The following ERV3-1 variants were observed in gnomAD, a reference collection of about 807,000 sequenced individuals.
The protein encoded by ERV3-1 is endogenous retrovirus group 3 member 1, envelope, also known as endogenous retrovirus group 3 member 1 Env polyprotein.
A neutral mutation model predicts 24.6 loss-of-function variants in ERV3-1; 36 were observed. The ratio of observed to expected loss-of-function variants is 1.47; its 90% confidence interval spans 1.12 to 1.94. The LOEUF is 1.94. Among genes scored for constraint, ERV3-1 ranks in the 30% most tolerant of loss-of-function variants. ERV3-1 has a pLI of 0.00. For missense variants in ERV3-1, 578 were observed against 330.9 expected, an observed-to-expected ratio of 1.75 and a Z score of -5.79; for synonymous variants, 211 against 122.6, an observed-to-expected ratio of 1.72 and a Z score of -4.76.
Position 64,992,588 on chromosome 7 carries a change from G to A in ERV3-1, c.439C>T (p.His147Tyr). ...FSSMEYYSSCHKNRYAHPACS... is the reference protein window; with the variant it reads ...FSSMEYYSSCYKNRYAHPACS... ...GCAGGGTGTGCATACCTATTTTTAT[G>A]GCAGCTACTATAGTACTCCATGGAA... Residue 147 changes from histidine to tyrosine, a missense_variant, in exon 2 of 2, where the codon CAT (histidine) becomes TAT (tyrosine). Transcript: ENST00000394323. The A allele has an allele frequency of 1.3e-6, 1 of 766,336 alleles. No individual in the cohort carries two copies. The highest frequency in any genetic ancestry group is 2.4e-6 in the Non-Finnish European group (1 of 417,910). The allele number at this position is 766,336 out of a possible 1,614,324, so 47.5% of individuals were successfully genotyped here.
Position 64,991,208 on chromosome 7 carries a change from G to A in ERV3-1, c.*4C>T, listed in dbSNP as rs751582022. 26 of 743,362 alleles carry A rather than the reference G, an allele frequency of 3.5e-5. No individual in the cohort carries two copies. The highest frequency in any genetic ancestry group is 8.5e-5 in the African/African-American group (5 of 58,684). 46.0% of individuals were successfully genotyped at this position (743,362 alleles called of 1,614,324 possible). ...AACCAACCTCTGAAAAGGGAATCTG[G>A]AGACTATCCTTTCCAAGTCTGAACT... On this transcript the variant is annotated 3_prime_UTR_variant, in exon 2 of 2. Transcript: ENST00000394323.
rs752364993 is a variant in ERV3-1 at position 64,991,228 on chromosome 7, T to C, written c.1799A>G (p.Gln600Arg). 3.5e-5 allele frequency: 26 copies of C among 753,470 alleles called. No individual in the cohort carries two copies. In the East Asian group the frequency reaches 6.1e-4, roughly 18 times the overall value. 46.7% of individuals were successfully genotyped at this position (753,470 alleles called of 1,614,324 possible). A position where few individuals can be genotyped will look rare whatever the true frequency, so the allele number is the denominator to read the frequency against. Reference protein sequence around the residue: ...KIQKLAHIPVQTWKG With the variant: ...KIQKLAHIPVRTWKG ...ATCTGGAGACTATCCTTTCCAAGTCTGAACTGGGATGTGAGCTAACTTTTG... is the reference window on the plus strand; with the variant it reads ...ATCTGGAGACTATCCTTTCCAAGTCCGAACTGGGATGTGAGCTAACTTTTG... Residue 600 changes from glutamine (Q) to arginine (R), a missense_variant, in exon 2 of 2, where the codon CAG becomes CGG. Gln to Arg is a conservative substitution (Grantham distance 43, BLOSUM62 1). Coordinates refer to ENST00000394323, the MANE Select transcript of ERV3-1 (RefSeq NM_001007253.4).
intron 1 of ERV3-1, among the ~76,000 whole-genome samples, chr7:64,996,370 C>T (rs753792659): frequency 2.2e-4 from 33 of 152,174 alleles, no homozygotes; most frequent in African/African-American, 7.2e-4. Context: ...AATTCTACTA[C>T]CAGTGCCTGA....
chr7:65,004,240 G>C (rs571176302), intron 1 of ERV3-1: 16 of 152,430 alleles, frequency 1.0e-4, no homozygotes, highest in African/African-American at 3.8e-4. Context: ...GCACATGCCA[G>C]TAATCCCAGC....
intron 1 of ERV3-1, among the ~76,000 whole-genome samples, chr7:64,993,642 C>T (rs761008208): frequency 4.6e-5 from 7 of 152,258 alleles, no homozygotes; most frequent in South Asian, 2.1e-4. Context: ...CCCTAGTTCA[C>T]GGAGATTACC....
chr7:65,006,315 C>T (rs1371129542), intron 1 of ERV3-1: 1 of 695,920 alleles, frequency 1.4e-6, no homozygotes, highest in Non-Finnish European at 2.4e-6. Flanking sequence ...CAGAACAAGG[C>T]ACAGTCACTG....
At chr7:64,995,517 CT>C (rs1394013404) in intron 1 of ERV3-1, among the ~76,000 whole-genome samples, 18 of 152,160 alleles carry the variant, frequency 1.2e-4, no homozygotes, top group Non-Finnish European at 2.6e-4. Flanking sequence ...TTCACCCTCC[CT>C]TGTGGCTTCA....
Position 64,992,775 on chromosome 7 carries a change from A to G in ERV3-1, c.252T>C (p.Pro84=). ...CAAACCAGGTCCCAGGTGAAGACTT[A>G]GGGTCATAACACACATAAGGCTGGC... ...GRGQPYVCYD[P]KSSPGTWFEI... The change falls in exon 2 of 2, where the codon CCT becomes CCC. Residue 84 remains proline (P), a synonymous_variant. Transcript: ENST00000394323. 1.3e-6 allele frequency: 1 copy of G among 766,444 alleles called. No homozygotes were observed. Among genetic ancestry groups the G allele is most frequent in the Non-Finnish European group, 2.4e-6 (1 of 417,906 alleles). The allele number at this position is 766,444 out of a possible 1,614,324, so 47.5% of individuals were successfully genotyped here. A position where few individuals can be genotyped will look rare whatever the true frequency, so the allele number is the denominator to read the frequency against.
chr7:65,006,430 C>G, intron 1 of ERV3-1, 111 bp downstream of exon 1: 1 of 1,490,100 alleles, frequency 6.7e-7, no homozygotes, highest in Non-Finnish European at 9.3e-7. Context: ...AACTCGGGGC[C>G]GCGGATTTTG....
In ERV3-1 at chr7:64,992,795, G is replaced by T. The variant is rs375287637; in HGVS notation, c.232C>A (p.Pro78Thr). 2.6e-6 allele frequency: 2 copies of T among 766,240 alleles called. No homozygotes were observed. Among genetic ancestry groups the T allele is most frequent in the African/African-American group, 3.4e-5 (2 of 59,086 alleles). 47.5% of individuals were successfully genotyped at this position (766,240 alleles called of 1,614,324 possible). ...YSVCDPGRGQ[P>T]YVCYDPKSSP... ...GACTTAGGGTCATAACACACATAAGGCTGGCCCCTTCCTGGGTCACAGACT... is the reference window on the plus strand; with the variant it reads ...GACTTAGGGTCATAACACACATAAGTCTGGCCCCTTCCTGGGTCACAGACT... The change falls in exon 2 of 2, where the codon CCT (proline) becomes ACT (threonine). Residue 78 changes from proline to threonine, a missense_variant. Transcript: ENST00000394323.
chr7:64,997,778 A>C (rs1786436444), intron 1 of ERV3-1, among the ~76,000 whole-genome samples: 1 of 152,110 alleles, frequency 6.6e-6, no homozygotes, highest in Non-Finnish European at 1.5e-5. Context: ...TTTGTGTCTG[A>C]AAAATGGACT....
chr7:64,996,781 C>T (rs1324517563), intron 1 of ERV3-1, among the ~76,000 whole-genome samples: 1 of 152,198 alleles, frequency 6.6e-6, no homozygotes, highest in Admixed American at 6.5e-5. Flanking sequence ...TGGATGATGG[C>T]CCTATGGGCT....
intron 1 of ERV3-1, among the ~76,000 whole-genome samples, chr7:65,000,179 AG>A (rs112888789): frequency 0.51 from 77,547 of 151,964 alleles, 20,741 homozygotes; most frequent in Admixed American, 0.63. Context: ...GGATAAAGAA[AG>A]TATGGTATGG....
rs185036315 is a variant in ERV3-1 at position 64,998,285 on chromosome 7, T to G, written c.-388-4871A>C. Reference sequence around the variant, plus strand: ...GGCTCGAGCTATGAGCGTTTTGCAATAAGAAGCCAGGCAAGGCTGCAGCCA... The same window carrying G: ...GGCTCGAGCTATGAGCGTTTTGCAAGAAGAAGCCAGGCAAGGCTGCAGCCA... On this transcript the variant is annotated intron_variant, in intron 1 of 1. Coordinates refer to ENST00000394323, the MANE Select transcript of ERV3-1 (RefSeq NM_001007253.4). Among the ~76,000 whole-genome samples the G allele has an allele frequency of 3.3e-5, 5 of 152,290 alleles. No homozygotes were observed. The East Asian group carries it at 9.7e-4, about 29-fold the overall frequency.
Position 64,991,877 on chromosome 7 carries a change from A to G in ERV3-1, c.1150T>C (p.Ser384Pro). 2 of 766,296 alleles carry G rather than the reference A, an allele frequency of 2.6e-6. No individual in the cohort carries two copies. The highest frequency in any genetic ancestry group is 4.8e-6 in the Non-Finnish European group (2 of 417,880). 47.5% of individuals were successfully genotyped at this position (766,296 alleles called of 1,614,324 possible). ...AATGGGCTTGGGTGTGGTGATTCAG[A>G]ATTATTGCTTTTGCCCCTCCATAAA... ...KTLWRGKSNNSESPHPSPFSR... is the reference protein window; with the variant it reads ...KTLWRGKSNNPESPHPSPFSR... Residue 384 changes from serine to proline, a missense_variant, in exon 2 of 2, where the codon TCT becomes CCT. By Grantham distance (74) the Ser-to-Pro change is moderately conservative (BLOSUM62 -1). Coordinates refer to ENST00000394323, the MANE Select transcript of ERV3-1 (RefSeq NM_001007253.4).
chr7:64,994,437 GA>G (rs1176672275), intron 1 of ERV3-1, among the ~76,000 whole-genome samples: 1 of 152,152 alleles, frequency 6.6e-6, no homozygotes, highest in Non-Finnish European at 1.5e-5. Context: ...CTCATTCGGA[GA>G]GTAACTTGAG....
At chr7:65,006,500 C>T (rs1786654044) in intron 1 of ERV3-1, 41 bp downstream of exon 1, 4 of 1,569,602 alleles carry the variant, frequency 2.5e-6, no homozygotes, top group East Asian at 4.5e-5. Flanking sequence ...TTCCAACCAG[C>T]CCCGCCCCCT....
intron 1 of ERV3-1, among the ~76,000 whole-genome samples, chr7:65,001,975 A>G (rs1268001601): frequency 1.3e-5 from 2 of 152,308 alleles, no homozygotes; most frequent in African/African-American, 2.4e-5. Context: ...CTCAAGTTCA[A>G]TAATTTTATA....
rs901671620 is a variant in ERV3-1 at position 64,995,796 on chromosome 7, C to T, written c.-388-2382G>A. ...GAGGAGGTCCTGGGTTCCCCAGTAACAGTCCTCTTGGGTTGGGGCTGCCAA... is the reference window on the plus strand; with the variant it reads ...GAGGAGGTCCTGGGTTCCCCAGTAATAGTCCTCTTGGGTTGGGGCTGCCAA... On this transcript the variant is annotated intron_variant, in intron 1 of 1. Coordinates refer to ENST00000394323, the MANE Select transcript of ERV3-1 (RefSeq NM_001007253.4). 3.9e-5 allele frequency among the ~76,000 whole-genome samples: 6 copies of T among 152,346 alleles called. No individual in the cohort carries two copies. In the East Asian group the frequency reaches 1.2e-3, roughly 29 times the overall value.
Sources: gnomAD v4.1 joint callset for allele counts (sites outside exome capture counted in the v4.1 genomes callset) on GRCh38, gnomAD v4.1.1 for gene constraint, MANE v1.5 for transcripts, NCBI Gene and HGNC (gene_info 2026-07-23, HGNC 2026-07-21) for gene names.